Variants in MAN1A2 observed in about 807,000 individuals in gnomAD.
MAN1A2 encodes mannosidase alpha class 1A member 2, also known as mannosyl-oligosaccharide 1,2-alpha-mannosidase IB.
A neutral mutation model predicts 75.7 loss-of-function variants in MAN1A2; 26 were observed. The ratio of observed to expected loss-of-function variants is 0.34; its 90% CI spans 0.25 to 0.48. MAN1A2 has a LOEUF of 0.48. MAN1A2 is among the 20% of genes least tolerant of loss of function. MAN1A2 has a pLI of 0.99. For missense variants in MAN1A2, 562 were observed against 775.5 expected, an observed-to-expected ratio of 0.72 and a Z score of 3.27; for synonymous variants, 247 against 264.6, an observed-to-expected ratio of 0.93 and a Z score of 0.65.
rs1211712446 is a variant in MAN1A2 at position 117,368,476 on chromosome 1, A to G, written c.293A>G (p.His98Arg). 1 of 1,607,698 alleles carries G rather than the reference A, an allele frequency of 6.2e-7. No individual in the cohort carries two copies. Among genetic ancestry groups the G allele is most frequent in the African/African-American group, 1.3e-5 (1 of 74,384 alleles). ...GVFLIHGPDE[H>R]RHREEEERLR... ...TTCCTGATCCATGGACCCGATGAAC[A>G]TAGACACAGGTTTGTTTATTTCAGA... Residue 98 changes from histidine to arginine, a missense_variant, in exon 1 of 13, where the codon CAT becomes CGT. His to Arg is a conservative substitution (Grantham distance 29, BLOSUM62 0). This residue lies in a region of MAN1A2 where 128 missense variants were observed against 129.8 expected (regional missense o/e 0.99). Transcript: ENST00000356554.
chr1:117,385,954 G>A (rs1455265214), intron 1 of MAN1A2, among the ~76,000 whole-genome samples: 1 of 152,182 alleles, frequency 6.6e-6, no homozygotes, highest in Non-Finnish European at 1.5e-5. Context: ...TGCTTCCAGA[G>A]TGATTTCTTA....
chr1:117,416,364 G>A (rs1013909560), intron 4 of MAN1A2, among the ~76,000 whole-genome samples: 2 of 152,064 alleles, frequency 1.3e-5, no homozygotes, highest in Non-Finnish European at 2.9e-5. Flanking sequence ...TGTTCTCTGC[G>A]GAAATTGTCT....
chr1:117,389,199 T>A lies in MAN1A2; in HGVS notation c.303-12987T>A, dbSNP rs183981534. 9.2e-5 allele frequency among the ~76,000 whole-genome samples: 14 copies of A among 152,344 alleles called. No individual in the cohort carries two copies. The East Asian group carries it at 2.7e-3, about 29-fold the overall frequency. On this transcript the variant is annotated intron_variant, in intron 1 of 12. Transcript: ENST00000356554. The stretch of plus-strand genomic sequence containing the variant: ...AGTTACTATGTGCATGATAGTTTCT[T>A]CTTTTTCCTTTGGGTTTTATACCTT...
intron 6 of MAN1A2, among the ~76,000 whole-genome samples, chr1:117,443,051 T>C (rs1277831196): frequency 2.6e-5 from 4 of 152,212 alleles, no homozygotes; most frequent in African/African-American, 7.2e-5. Flanking sequence ...TGCTCATTTT[T>C]TCTCCTAGTA....
At chr1:117,491,659 C>T (rs1650886438) in intron 8 of MAN1A2, among the ~76,000 whole-genome samples, 1 of 152,026 alleles carries the variant, frequency 6.6e-6, no homozygotes, top group Non-Finnish European at 1.5e-5. Context: ...GCTATAGCTG[C>T]CATATATAGT....
rs1237102532 is a variant in MAN1A2, at chr1:117,524,559, T to G, written c.*1602T>G. On this transcript the variant is annotated 3_prime_UTR_variant, in exon 13 of 13. Transcript: ENST00000356554. The stretch of plus-strand genomic sequence containing the variant: ...TCTGAAGGCTTATTTTCTTGTTTGA[T>G]AAGCTTTTCTTTTAAACTTAGGTTT... 1.3e-5 allele frequency: 2 copies of G among 151,814 alleles called. No homozygotes were observed. The highest frequency in any genetic ancestry group is 4.8e-5 in the African/African-American group (2 of 41,408). The allele number at this position is 151,814 out of a possible 1,614,324, so 9.4% of individuals were successfully genotyped here. A position where few individuals can be genotyped will look rare whatever the true frequency, so the allele number is the denominator to read the frequency against.
rs751533510 is a variant in MAN1A2, at chr1:117,414,776, A to G, written c.719A>G (p.His240Arg). The change falls in exon 4 of 13, where the codon CAT (histidine) becomes CGT (arginine). Residue 240 changes from histidine (H) to arginine (R), a missense_variant. Physicochemically the swap from His to Arg is conservative, Grantham distance 29 (BLOSUM62 0). This residue lies in a region of MAN1A2 where 434 missense variants were observed against 645.7 expected (regional missense o/e 0.67). Coordinates refer to ENST00000356554, the MANE Select transcript of MAN1A2 (RefSeq NM_006699.5). ...GATACCCTTTATATCATGGGACTTC[A>G]TGATGAATTCCTAGATGGGCAAAGA... ...ALDTLYIMGL[H>R]DEFLDGQRWI... The G allele has an allele frequency of 4.0e-5, 65 of 1,611,008 alleles. No individual in the cohort carries two copies. The highest frequency in any genetic ancestry group is 2.3e-4 in the Admixed American group (14 of 59,792).
intron 11 of MAN1A2, among the ~76,000 whole-genome samples, chr1:117,501,073 T>C (rs1053033207): frequency 6.6e-6 from 1 of 151,836 alleles, no homozygotes; most frequent in African/African-American, 2.4e-5. Flanking sequence ...GGATAATTCA[T>C]CCTTTTCCTA....
At chr1:117,417,706 A>ACTCTCTCT (rs772502807) in intron 4 of MAN1A2, among the ~76,000 whole-genome samples, 7 of 143,554 alleles carry the variant, frequency 4.9e-5, no homozygotes, top group African/African-American at 1.8e-4. Flanking sequence ...ACACACACAC[A>ACTCTCTCT]CTCTCTCTCT....
intron 5 of MAN1A2, among the ~76,000 whole-genome samples, chr1:117,429,534 G>GC (rs1648514721): frequency 1.1e-5 from 1 of 89,294 alleles, no homozygotes. Context: ...GCGGGGGGCC[G>GC]ACCCCCCCAC....
chr1:117,419,835 T>C (rs956528189), intron 4 of MAN1A2, among the ~76,000 whole-genome samples: 2 of 152,058 alleles, frequency 1.3e-5, no homozygotes, highest in East Asian at 3.8e-4. Flanking sequence ...TATGATTCTT[T>C]TTCTTATAGG....
At chr1:117,469,426 AG>A (rs1650078002) in intron 8 of MAN1A2, among the ~76,000 whole-genome samples, 1 of 152,120 alleles carries the variant, frequency 6.6e-6, no homozygotes, top group African/African-American at 2.4e-5. Flanking sequence ...ATGACACCAA[AG>A]GCACAGGTAA....
chr1:117,471,211 A>G (rs1650142738), intron 8 of MAN1A2, among the ~76,000 whole-genome samples: 1 of 151,860 alleles, frequency 6.6e-6, no homozygotes, highest in East Asian at 1.9e-4. Flanking sequence ...TTAGAAAATG[A>G]ATTGATTGTC....
intron 8 of MAN1A2, among the ~76,000 whole-genome samples, chr1:117,473,750 A>G (rs546371316): frequency 1.0e-3 from 156 of 152,090 alleles, no homozygotes; most frequent in African/African-American, 3.8e-3. Context: ...TACCTTTTCA[A>G]TGAAGTCTTC....
intron 8 of MAN1A2, among the ~76,000 whole-genome samples, chr1:117,483,594 C>A (rs1276127650): frequency 6.6e-6 from 1 of 152,010 alleles, no homozygotes; most frequent in African/African-American, 2.4e-5. Context: ...GATTTTGTAT[C>A]CTGAGACTTT....
At chr1:117,370,176 G>A (rs1652912170) in intron 1 of MAN1A2, among the ~76,000 whole-genome samples, 1 of 152,082 alleles carries the variant, frequency 6.6e-6, no homozygotes, top group East Asian at 1.9e-4. Context: ...GAAGCCCTTG[G>A]ATATATATGC....
chr1:117,477,255 A>G (rs1027374070), intron 8 of MAN1A2, among the ~76,000 whole-genome samples: 1 of 152,054 alleles, frequency 6.6e-6, no homozygotes, highest in African/African-American at 2.4e-5. Flanking sequence ...CAAACAGTAG[A>G]AAAAGAGGGA....
At position 117,460,482 on chromosome 1, in the gene MAN1A2, C is replaced by T. The variant is rs1356846567; in HGVS notation, c.951-7C>T. The T allele has an allele frequency of 6.3e-7, 1 of 1,596,648 alleles. No individual in the cohort carries two copies. Among genetic ancestry groups the T allele is most frequent in the Admixed American group, 1.8e-5 (1 of 55,856 alleles). On this transcript the variant is annotated splice_polypyrimidine_tract_variant and splice_region_variant and intron_variant, in intron 6 of 12. Transcript: ENST00000356554. ...TGTGTCTCCTTTTACTTTTCCTTTT[C>T]ATTCAGTGGAGTAGGGCGAAACTGG...
chr1:117,512,577 T>C (rs1398798071), intron 12 of MAN1A2, among the ~76,000 whole-genome samples: 1 of 152,070 alleles, frequency 6.6e-6, no homozygotes, highest in Non-Finnish European at 1.5e-5. Context: ...AAATTAACTA[T>C]ACTGGCAGAG....
Sources: gnomAD v4.1 joint callset for allele counts (sites outside exome capture counted in the v4.1 genomes callset) on GRCh38, gnomAD v4.1.1 for gene constraint, gnomAD v4.1.1 regional missense constraint, MANE v1.5 for transcripts, NCBI Gene and HGNC (gene_info 2026-07-23, HGNC 2026-07-21) for gene names.